EDC3: variants seen among roughly 807,000 people sequenced by gnomAD.
EDC3 encodes the protein enhancer of mRNA decapping 3.
Under a neutral mutation model 41.8 loss-of-function variants are expected in EDC3, and 20 were observed. The observed-to-expected ratio is 0.48, with a 90% CI of 0.34 to 0.70. The LOEUF (loss-of-function observed/expected upper bound fraction) is 0.70, where lower values mean the gene tolerates loss of function less well. EDC3 is among the 30% of genes least tolerant of loss of function. The pLI is 0.01. For synonymous variants in EDC3, 206 were observed against 243.2 expected, an observed-to-expected ratio of 0.85 and a Z score of 1.42; for missense variants, 444 against 636.8, an observed-to-expected ratio of 0.70 and a Z score of 3.26.
intron 5 of EDC3, chr15:74,640,066 C>G: frequency 5.5e-6 from 1 of 182,244 alleles, no homozygotes; most frequent in Admixed American, 5.9e-5. Context: ...TCCAGCTCCC[C>G]TACTCAGTTG....
intron 3 of EDC3, among the ~76,000 whole-genome samples, chr15:74,667,052 G>A (rs760737309): frequency 2.0e-5 from 3 of 152,084 alleles, no homozygotes; most frequent in Non-Finnish European, 2.9e-5. Flanking sequence ...CAGGAATGGC[G>A]ATACAAGTTA....
intron 1 of EDC3, among the ~76,000 whole-genome samples, chr15:74,686,170 C>T (rs1567182532): frequency 6.6e-6 from 1 of 152,018 alleles, no homozygotes; most frequent in Non-Finnish European, 1.5e-5. Context: ...ACTAAAAATA[C>T]AAAAATTAGC....
chr15:74,653,979 G>A (rs774231841), intron 4 of EDC3, among the ~76,000 whole-genome samples: 12 of 151,912 alleles, frequency 7.9e-5, no homozygotes, highest in East Asian at 1.9e-4. Flanking sequence ...AGGGCTGGGC[G>A]CGGTGGCTCA....
intron 2 of EDC3, among the ~76,000 whole-genome samples, chr15:74,674,526 G>A (rs919616388): frequency 6.6e-6 from 1 of 152,148 alleles, no homozygotes; most frequent in East Asian, 1.9e-4. Flanking sequence ...AAAAGATAAT[G>A]GTAGGGTACG....
intron 1 of EDC3, among the ~76,000 whole-genome samples, chr15:74,678,004 A>G (rs1257326329): frequency 6.6e-6 from 1 of 151,934 alleles, no homozygotes; most frequent in Non-Finnish European, 1.5e-5. Context: ...AAAAGGATAC[A>G]TACATACTAT....
chr15:74,645,564 T>TGGGG (rs60093074), intron 4 of EDC3: 48 of 76,800 alleles, frequency 6.3e-4, no homozygotes, highest in East Asian at 3.4e-3. Flanking sequence ...TAAAAAAAGT[T>TGGGG]GGGGGGGGGG....
chr15:74,657,012 T>C (rs1241663567), intron 3 of EDC3, among the ~76,000 whole-genome samples: 1 of 152,178 alleles, frequency 6.6e-6, no homozygotes, highest in East Asian at 1.9e-4. Flanking sequence ...TAAATAAAAA[T>C]AAAATCACCC....
chr15:74,634,589 T>A, intron 6 of EDC3, among the ~76,000 whole-genome samples: 1 of 152,164 alleles, frequency 6.6e-6, no homozygotes, highest in East Asian at 1.9e-4. Context: ...AGTTTTCCCA[T>A]CTCAGTGATC....
At chr15:74,649,991 C>A (rs2062462624) in intron 4 of EDC3, among the ~76,000 whole-genome samples, 1 of 152,178 alleles carries the variant, frequency 6.6e-6, no homozygotes, top group Non-Finnish European at 1.5e-5. Context: ...TTCACTCAAC[C>A]CTGTTTTCAA....
At chr15:74,637,018 C>G (rs1295651524) in intron 5 of EDC3, 2 of 152,182 alleles carry the variant, frequency 1.3e-5, no homozygotes, top group African/African-American at 4.8e-5. Flanking sequence ...TGTGTACCAG[C>G]AGTATCATGT....
chr15:74,670,042 G>A (rs2062722427), intron 3 of EDC3, among the ~76,000 whole-genome samples: 1 of 114,694 alleles, frequency 8.7e-6, no homozygotes, highest in African/African-American at 3.7e-5. Flanking sequence ...TTTTTTTGTA[G>A]GGATGGGGTT....
intron 4 of EDC3, among the ~76,000 whole-genome samples, chr15:74,652,535 C>A (rs2062493514): frequency 6.7e-6 from 1 of 148,730 alleles, no homozygotes; most frequent in African/African-American, 2.5e-5. Context: ...GCCTTTTCCT[C>A]ATTTTTATTC....
chr15:74,671,811 A>G lies in EDC3; in HGVS notation c.165-37T>C, dbSNP rs1203001066. On this transcript the variant is annotated intron_variant, in intron 2 of 6. Coordinates refer to ENST00000315127, the MANE Select transcript of EDC3 (RefSeq NM_025083.5). This position sits in a 1 kb window ranked among gnomAD's most constrained non-coding sequence, Gnocchi z 4.6. ...AAAAAAGCCAAGTCTCAAAATTATA[A>G]TAGTGGTAAGAATGATGAAACTGAG... 1 of 1,590,296 alleles carries G rather than the reference A, an allele frequency of 6.3e-7. No individual in the cohort carries two copies. The highest frequency in any genetic ancestry group is 2.2e-5 in the East Asian group (1 of 44,686).
chr15:74,634,707 AAACT>A (rs1281057866), intron 6 of EDC3, among the ~76,000 whole-genome samples: 20 of 152,282 alleles, frequency 1.3e-4, no homozygotes, highest in African/African-American at 4.6e-4. Context: ...ACTGATTTAG[AAACT>A]AACTACCTTC....
chr15:74,633,916 T>A (rs536328620), intron 6 of EDC3, among the ~76,000 whole-genome samples: 1 of 152,274 alleles, frequency 6.6e-6, no homozygotes, highest in South Asian at 2.1e-4. Context: ...GTGATGAGGC[T>A]CTCAAGAGTG....
chr15:74,685,384 CAG>C (rs2062923481), intron 1 of EDC3, among the ~76,000 whole-genome samples: 2 of 152,084 alleles, frequency 1.3e-5, no homozygotes, highest in African/African-American at 4.8e-5. Context: ...GCCTAGATGA[CAG>C]AGTGAGACCC....
chr15:74,691,739 A>G (rs939248841), intron 1 of EDC3, among the ~76,000 whole-genome samples: 1 of 152,164 alleles, frequency 6.6e-6, no homozygotes, highest in Non-Finnish European at 1.5e-5. Flanking sequence ...CCTAAACCAG[A>G]TCTGGTCTGC....
At chr15:74,689,134 T>C (rs1166408547) in intron 1 of EDC3, among the ~76,000 whole-genome samples, 1 of 152,192 alleles carries the variant, frequency 6.6e-6, no homozygotes, top group Admixed American at 6.5e-5. Context: ...CATCCATTTC[T>C]ACTGGGCATA....
intron 4 of EDC3, among the ~76,000 whole-genome samples, chr15:74,653,835 C>T (rs368825840): frequency 6.6e-6 from 1 of 152,164 alleles, no homozygotes; most frequent in East Asian, 1.9e-4. Flanking sequence ...CTGCTTTTGT[C>T]CATGTTAGTA....
Sources: gnomAD v4.1 joint callset for allele counts (sites outside exome capture counted in the v4.1 genomes callset) on GRCh38, gnomAD v4.1.1 for gene constraint, Gnocchi (gnomAD v3.1) non-coding constraint, MANE v1.5 for transcripts, NCBI Gene and HGNC (gene_info 2026-07-23, HGNC 2026-07-21) for gene names.